ARID5B: variants seen among roughly 807,000 people sequenced by gnomAD.
ARID5B encodes the protein AT-rich interaction domain 5B.
Under a neutral mutation model 97.2 loss-of-function variants are expected in ARID5B, and 13 were observed. That is an observed-to-expected ratio of 0.13 (90% confidence interval 0.09 to 0.21). ARID5B has a LOEUF of 0.21. ARID5B is among the 10% of genes least tolerant of loss of function. The pLI, the probability that ARID5B is intolerant of heterozygous loss-of-function variation, is 1.00. For missense variants in ARID5B, 1,210 were observed against 1,465.3 expected (o/e 0.83, Z 2.84); for synonymous variants, 556 against 570.3 (o/e 0.97, Z 0.36).
chr10:62,027,433 C>G (rs1839436778), intron 4 of ARID5B, among the ~76,000 whole-genome samples: 1 of 150,372 alleles, frequency 6.7e-6, no homozygotes, highest in African/African-American at 2.4e-5. Context: ...CTCAGCCTCC[C>G]AAGTAGCTGG....
intron 3 of ARID5B, among the ~76,000 whole-genome samples, chr10:61,978,810 G>A (rs1838736868): frequency 6.6e-6 from 1 of 152,114 alleles, no homozygotes; most frequent in South Asian, 2.1e-4. Context: ...CTGCAAACGG[G>A]GACAATTTGA....
At chr10:61,911,056 G>C (rs1228628327) in intron 2 of ARID5B, among the ~76,000 whole-genome samples, 1 of 152,052 alleles carries the variant, frequency 6.6e-6, no homozygotes, top group African/African-American at 2.4e-5. Flanking sequence ...AGCACACCCG[G>C]GCTATGAAAC....
At chr10:62,089,477 T>G (rs371840180) in intron 9 of ARID5B, among the ~76,000 whole-genome samples, 6 of 150,662 alleles carry the variant, frequency 4.0e-5, no homozygotes, top group East Asian at 3.9e-4. Flanking sequence ...CTGCCTGCCT[T>G]CCTTCCTTCC....
intron 4 of ARID5B, among the ~76,000 whole-genome samples, chr10:62,032,457 G>A (rs566492927): frequency 3.4e-4 from 52 of 152,300 alleles, no homozygotes; most frequent in Non-Finnish European, 6.8e-4. Context: ...GGTGAGTCAC[G>A]CCTGTAATCC....
intron 2 of ARID5B, among the ~76,000 whole-genome samples, chr10:61,930,327 T>C (rs758178341): frequency 2.0e-5 from 3 of 152,238 alleles, no homozygotes; most frequent in Admixed American, 6.5e-5. Flanking sequence ...TGTTCTGGAC[T>C]GTCTTTTCAA....
At chr10:62,005,881 GT>G in intron 4 of ARID5B, among the ~76,000 whole-genome samples, 1 of 152,286 alleles carries the variant, frequency 6.6e-6, no homozygotes, top group Non-Finnish European at 1.5e-5. Flanking sequence ...GCCGAAGTAG[GT>G]TTCATGGTCA....
At chr10:62,040,123 C>G (rs1019690211) in intron 4 of ARID5B, among the ~76,000 whole-genome samples, 13 of 151,724 alleles carry the variant, frequency 8.6e-5, no homozygotes, top group African/African-American at 2.4e-4. Flanking sequence ...TAGTTCCTTC[C>G]CCTCTCTCTC....
rs192919708 is a variant in ARID5B at position 62,016,466 on chromosome 10, G to A, written c.733+16145G>A. ...ATCAATTGAGATGCCACCAATTCTG[G>A]AGATATTGAAATTTGAACCAAACAG... is the stretch of plus-strand genomic sequence containing the variant. On this transcript the variant is annotated intron_variant, in intron 4 of 9. Transcript: ENST00000279873. 9.9e-5 allele frequency among the ~76,000 whole-genome samples: 15 copies of A among 152,280 alleles called. No homozygotes were observed. The East Asian group carries it at 2.9e-3, about 29-fold the overall frequency.
chr10:62,041,841 G>C (rs1164439539), intron 4 of ARID5B, among the ~76,000 whole-genome samples: 1 of 152,190 alleles, frequency 6.6e-6, no homozygotes, highest in East Asian at 1.9e-4. Context: ...TTTAAAAACT[G>C]TTCTGATATT....
At chr10:61,948,557 G>A (rs1457955105) in intron 3 of ARID5B, among the ~76,000 whole-genome samples, 2 of 151,890 alleles carry the variant, frequency 1.3e-5, no homozygotes, top group African/African-American at 4.8e-5. Flanking sequence ...TAGTAGAGAC[G>A]GGGCTTCATC....
At position 62,092,760 on chromosome 10, in the gene ARID5B, T is replaced by G; in HGVS notation, c.3297T>G (p.Tyr1099Ter). 6.2e-7 allele frequency: 1 copy of G among 1,614,188 alleles called. No homozygotes were observed. Among genetic ancestry groups the G allele is most frequent in the Non-Finnish European group, 8.5e-7 (1 of 1,180,020 alleles). The change falls in exon 10 of 10, where the codon TAT (tyrosine) becomes TAG (stop). Residue 1099 changes from tyrosine to a stop codon, truncating the protein, a stop_gained. Transcript: ENST00000279873. LOFTEE classifies it high-confidence loss of function. ...TCAACTCCAGGCTCCCGGCTGGGTA[T>G]TCTCATTCTCTGCAGTACTTGAAAA... ...SGLNSRLPAG[Y>*]SHSLQYLKNQ...
rs564999308 is a variant in ARID5B at position 61,929,074 on chromosome 10, A to G, written c.277-11109A>G. ...ATGGTTCCGTCAGGACACAAGCTGAAGTGGTTGTAGTTAGTCTGTCTAAAA... is the reference window on the plus strand; with the variant it reads ...ATGGTTCCGTCAGGACACAAGCTGAGGTGGTTGTAGTTAGTCTGTCTAAAA... On this transcript the variant is annotated intron_variant, in intron 2 of 9. Coordinates refer to ENST00000279873, the MANE Select transcript of ARID5B (RefSeq NM_032199.3). 3.3e-5 allele frequency among the ~76,000 whole-genome samples: 5 copies of G among 152,326 alleles called. No homozygotes were observed. In the South Asian group the frequency reaches 1.0e-3, roughly 32 times the overall value.
In ARID5B at chr10:61,992,810, C is replaced by G. The variant is rs182534629; in HGVS notation, c.503-7281C>G. Among the ~76,000 whole-genome samples, 10 of 152,184 alleles carry G rather than the reference C, an allele frequency of 6.6e-5. No homozygotes were observed. In the East Asian group the frequency reaches 1.9e-3, roughly 29 times the overall value. On this transcript the variant is annotated intron_variant, in intron 3 of 9. Coordinates refer to ENST00000279873, the MANE Select transcript of ARID5B (RefSeq NM_032199.3). The stretch of plus-strand genomic sequence containing the variant: ...CTGTATGGCTAGTTCTGTTTTCTGT[C>G]TCAGCAATCTCAGGGCTGCCCCACT...
At chr10:61,986,665 G>C (rs1288346225) in intron 3 of ARID5B, among the ~76,000 whole-genome samples, 1 of 152,172 alleles carries the variant, frequency 6.6e-6, no homozygotes, top group African/African-American at 2.4e-5. Context: ...CAAGCTGTTT[G>C]TGTAACTTTT....
chr10:61,920,608 A>G (rs1402318460), intron 2 of ARID5B, among the ~76,000 whole-genome samples: 4 of 151,632 alleles, frequency 2.6e-5, no homozygotes, highest in Admixed American at 1.3e-4. Flanking sequence ...ATAAAAGATG[A>G]CTCTTAAATG....
intron 3 of ARID5B, among the ~76,000 whole-genome samples, chr10:61,973,174 T>C (rs569561438): frequency 6.6e-6 from 1 of 152,208 alleles, no homozygotes; most frequent in Non-Finnish European, 1.5e-5. Context: ...ACATACCCAG[T>C]GCCCTTTAGA....
rs1419561383 is a variant in ARID5B, at chr10:62,094,085, A to T, written c.*1055A>T. On this transcript the variant is annotated 3_prime_UTR_variant, in exon 10 of 10. Coordinates refer to ENST00000279873, the MANE Select transcript of ARID5B (RefSeq NM_032199.3). ...AGAGAATCATAAAAACAAAAACCTCACTGGCAGCAAGCTGCCGAATAACAA... is the reference window on the plus strand; with the variant it reads ...AGAGAATCATAAAAACAAAAACCTCTCTGGCAGCAAGCTGCCGAATAACAA... 1.7e-5 allele frequency: 4 copies of T among 233,532 alleles called. No individual in the cohort carries two copies. The highest frequency in any genetic ancestry group is 6.6e-5 in the African/African-American group (3 of 45,358). The allele number at this position is 233,532 out of a possible 1,614,324, so 14.5% of individuals were successfully genotyped here.
At chr10:62,052,312 G>A (rs117811262) in intron 5 of ARID5B, among the ~76,000 whole-genome samples, 393 of 152,320 alleles carry the variant, frequency 2.6e-3, no homozygotes, top group Non-Finnish European at 4.3e-3. Flanking sequence ...TAGGACTTTG[G>A]TTTCCATCGT....
At chr10:61,926,844 T>C (rs1181348252) in intron 2 of ARID5B, among the ~76,000 whole-genome samples, 1 of 152,132 alleles carries the variant, frequency 6.6e-6, no homozygotes, top group Non-Finnish European at 1.5e-5. Flanking sequence ...CAGGATGGTC[T>C]TGATCTCCTG....
Sources: gnomAD v4.1 joint callset for allele counts (sites outside exome capture counted in the v4.1 genomes callset) on GRCh38, gnomAD v4.1.1 for gene constraint, MANE v1.5 for transcripts, NCBI Gene and HGNC (gene_info 2026-07-23, HGNC 2026-07-21) for gene names.